Variants in SMARCC1 observed in about 807,000 individuals in gnomAD.
SMARCC1 encodes the protein SWI/SNF complex subunit SMARCC1.
SMARCC1 carries 43 observed loss-of-function variants against 147.4 expected under a neutral mutation model. That is an observed-to-expected ratio of 0.29 (90% CI 0.23 to 0.38). SMARCC1 has a LOEUF of 0.38. Among genes scored for constraint, SMARCC1 ranks in the 10% least tolerant of loss-of-function variants. The pLI is 1.00. For missense variants in SMARCC1, 1,119 were observed against 1,381.1 expected (o/e 0.81, Z 3.01); for synonymous variants, 495 against 484.4 (o/e 1.02, Z -0.29).
At chr3:47,716,429 A>C (rs901901474) in intron 7 of SMARCC1, among the ~76,000 whole-genome samples, 7 of 151,244 alleles carry the variant, frequency 4.6e-5, no homozygotes, top group East Asian at 1.9e-4. Flanking sequence ...AAAAAAAAAA[A>C]AAAAAAAAAA....
At chr3:47,776,432 T>C (rs563955369) in intron 1 of SMARCC1, among the ~76,000 whole-genome samples, 6 of 151,980 alleles carry the variant, frequency 3.9e-5, no homozygotes, top group Admixed American at 3.9e-4. Flanking sequence ...CCAAACTCCA[T>C]CTCTACTAAA....
intron 24 of SMARCC1, among the ~76,000 whole-genome samples, chr3:47,627,775 C>T (rs1032237970): frequency 6.6e-6 from 1 of 152,104 alleles, no homozygotes; most frequent in African/African-American, 2.4e-5. Context: ...GGATGAAGTG[C>T]ACCAGTGAGA....
chr3:47,592,638 G>C (rs1186676068), intron 26 of SMARCC1, among the ~76,000 whole-genome samples: 2 of 152,124 alleles, frequency 1.3e-5, no homozygotes, highest in Admixed American at 6.5e-5. Context: ...TTTCTACTCA[G>C]TTTGGAGTGC....
intron 24 of SMARCC1, among the ~76,000 whole-genome samples, chr3:47,624,405 C>A (rs1304716687): frequency 7.2e-5 from 11 of 152,130 alleles, no homozygotes; most frequent in African/African-American, 2.7e-4. Flanking sequence ...ATCCTACAAG[C>A]TTTCAGAAAG....
At chr3:47,594,124 C>G (rs2032229939) in intron 26 of SMARCC1, among the ~76,000 whole-genome samples, 1 of 149,388 alleles carries the variant, frequency 6.7e-6, no homozygotes, top group Non-Finnish European at 1.5e-5. Flanking sequence ...AAGATTGCAC[C>G]ATTACACCCT....
At position 47,587,892 on chromosome 3, in the gene SMARCC1, T is replaced by C. The variant is rs559434175; in HGVS notation, c.*317A>G. The C allele has an allele frequency of 2.1e-5, 7 of 330,822 alleles. No homozygotes were observed. The highest frequency in any genetic ancestry group is 1.4e-4 in the Admixed American group (3 of 21,584). 20.5% of individuals were successfully genotyped at this position (330,822 alleles called of 1,614,324 possible). The stretch of plus-strand genomic sequence containing the variant: ...CAAGAGAGCAAAAATGGTAAAGACA[T>C]AGCATGCTAAAGTTGACAGGACCTG... On this transcript the variant is annotated 3_prime_UTR_variant, in exon 28 of 28. Coordinates refer to ENST00000254480, the MANE Select transcript of SMARCC1 (RefSeq NM_003074.4).
chr3:47,644,940 A>G (rs2033098282), intron 21 of SMARCC1, among the ~76,000 whole-genome samples: 1 of 152,002 alleles, frequency 6.6e-6, no homozygotes. Flanking sequence ...ATTCCATGAA[A>G]CGGCAAGGTG....
At position 47,670,648 on chromosome 3, in the gene SMARCC1, A is replaced by C. The variant is rs1339864192; in HGVS notation, c.1899+10T>G. On this transcript the variant is annotated intron_variant, in intron 19 of 27. Coordinates refer to ENST00000254480, the MANE Select transcript of SMARCC1 (RefSeq NM_003074.4). ...CTTAGCACACATCCCATATGCATTA[A>C]TCTGCTTACCTCCAGGAGTAGAAGG... 6.6e-7 allele frequency: 1 copy of C among 1,504,606 alleles called. No individual in the cohort carries two copies. The highest frequency in any genetic ancestry group is 1.7e-5 in the Admixed American group (1 of 59,900). 93.2% of individuals were successfully genotyped at this position (1,504,606 alleles called of 1,614,324 possible).
Position 47,686,139 on chromosome 3 carries a change from C to T in SMARCC1, c.1295G>A (p.Ser432Asn). The T allele has an allele frequency of 6.2e-7, 1 of 1,611,766 alleles. No individual in the cohort carries two copies. ...EDEDPAKGDQ[S>N]RSVDLGEDNV... ...ATCTTCCCCAAGGTCAACTGATCGACTCTGATCACCTTTGGCAGGATCTTC... is the reference window on the plus strand; with the variant it reads ...ATCTTCCCCAAGGTCAACTGATCGATTCTGATCACCTTTGGCAGGATCTTC... The change falls in exon 14 of 28, where the codon AGT (serine) becomes AAT (asparagine). Residue 432 changes from serine (S) to asparagine (N), a missense_variant. This residue lies in a region of SMARCC1 where 542 missense variants were observed against 611.8 expected (regional missense o/e 0.89). Transcript: ENST00000254480.
intron 16 of SMARCC1, among the ~76,000 whole-genome samples, chr3:47,677,932 C>T (rs1171140814): frequency 6.6e-6 from 1 of 152,076 alleles, no homozygotes; most frequent in East Asian, 1.9e-4. Flanking sequence ...AGGAGAATCG[C>T]TTGAGGCCAG....
At chr3:47,683,963 C>T (rs1576410627) in intron 14 of SMARCC1, among the ~76,000 whole-genome samples, 1 of 135,974 alleles carries the variant, frequency 7.4e-6, no homozygotes, top group Admixed American at 7.2e-5. Context: ...ATAAAAAAGA[C>T]AGTACTCGGC....
At chr3:47,618,759 G>T (rs550217724) in intron 25 of SMARCC1, among the ~76,000 whole-genome samples, 1 of 152,168 alleles carries the variant, frequency 6.6e-6, no homozygotes, top group African/African-American at 2.4e-5. Context: ...CCATCAGAAG[G>T]TTTAAAAAAC....
chr3:47,609,521 G>A (rs1380472983), intron 26 of SMARCC1, among the ~76,000 whole-genome samples: 3 of 151,866 alleles, frequency 2.0e-5, no homozygotes, highest in Admixed American at 6.6e-5. Flanking sequence ...GACTCCCACT[G>A]GTTAGAGATA....
intron 2 of SMARCC1, among the ~76,000 whole-genome samples, chr3:47,764,095 T>C (rs767313844): frequency 3.0e-4 from 46 of 152,066 alleles, no homozygotes; most frequent in Non-Finnish European, 2.6e-4. Context: ...AGTGCAGCAG[T>C]AGTACTACTG....
chr3:47,774,941 A>T (rs2034956935), intron 1 of SMARCC1, among the ~76,000 whole-genome samples: 1 of 151,934 alleles, frequency 6.6e-6, no homozygotes, highest in Non-Finnish European at 1.5e-5. Flanking sequence ...GAGAGCTAGG[A>T]CTACAGAGGC....
In SMARCC1 at chr3:47,772,911, T is replaced by C. The variant is rs769851547; in HGVS notation, c.221A>G (p.Asn74Ser). 12 of 1,613,444 alleles carry C rather than the reference T, an allele frequency of 7.4e-6. No homozygotes were observed. Among genetic ancestry groups the C allele is most frequent in the African/African-American group, 5.3e-5 (4 of 74,890 alleles). Residue 74 changes from asparagine to serine, a missense_variant, in exon 2 of 28, where the codon AAT becomes AGT. Coordinates refer to ENST00000254480, the MANE Select transcript of SMARCC1 (RefSeq NM_003074.4). The part of the protein sequence containing the change: ...KKYVHADAPT[N>S]KTLAGLVVQL... ...CACCACCAGCCCAGCCAGTGTTTTA[T>C]TGGTAGGAGCATCCGCATGAACATA... is the stretch of plus-strand genomic sequence containing the variant.
chr3:47,758,381 A>C (rs1307564350), intron 2 of SMARCC1, among the ~76,000 whole-genome samples: 1 of 115,492 alleles, frequency 8.7e-6, no homozygotes, highest in Non-Finnish European at 2.0e-5. Context: ...TCAGCCTCGC[A>C]AAAAAAAAAA....
chr3:47,713,862 C>T (rs185075349), intron 8 of SMARCC1, among the ~76,000 whole-genome samples: 1 of 152,318 alleles, frequency 6.6e-6, no homozygotes, highest in East Asian at 1.9e-4. Flanking sequence ...ACTCCTCACA[C>T]TCCTCTCTCA....
rs192263629 is a variant in SMARCC1 at position 47,630,720 on chromosome 3, C to T, written c.2646+4470G>A. 2.6e-4 allele frequency among the ~76,000 whole-genome samples: 40 copies of T among 152,240 alleles called. No individual in the cohort carries two copies. In the East Asian group the frequency reaches 7.1e-3, roughly 27 times the overall value. On this transcript the variant is annotated intron_variant, in intron 24 of 27. Transcript: ENST00000254480. ...AAATCAATTTCAATCAACCCCTGTCCGTTAATACCTTGTGACTAAAGTATA... is the reference window on the plus strand; with the variant it reads ...AAATCAATTTCAATCAACCCCTGTCTGTTAATACCTTGTGACTAAAGTATA...
Sources: gnomAD v4.1 joint callset for allele counts (sites outside exome capture counted in the v4.1 genomes callset) on GRCh38, gnomAD v4.1.1 for gene constraint, gnomAD v4.1.1 regional missense constraint, MANE v1.5 for transcripts, NCBI Gene and HGNC (gene_info 2026-07-23, HGNC 2026-07-21) for gene names.